Variants in MICU1 observed in about 807,000 individuals in gnomAD.
MICU1 encodes the protein mitochondrial calcium uptake 1, also known as calcium uptake protein 1, mitochondrial.
A neutral mutation model predicts 56.8 loss-of-function variants in MICU1; 45 were observed. That is an observed-to-expected ratio of 0.79 (90% CI 0.62 to 1.02). MICU1 has a LOEUF of 1.02. MICU1 is among the 50% of genes least tolerant of loss of function. MICU1 has a pLI of 0.00. For synonymous variants in MICU1, 186 were observed against 195.1 expected (o/e 0.95, Z 0.39); for missense variants, 504 against 587.1 (o/e 0.86, Z 1.46).
intron 1 of MICU1, among the ~76,000 whole-genome samples, chr10:72,607,341 C>CAA (rs1255480642): frequency 2.9e-5 from 3 of 103,840 alleles, no homozygotes; most frequent in Admixed American, 1.0e-4. Context: ...AACTCTGTTT[C>CAA]AAAAAAAAAA....
intron 1 of MICU1, among the ~76,000 whole-genome samples, chr10:72,612,512 T>TA (rs1469376730): frequency 3.3e-5 from 5 of 152,180 alleles, no homozygotes; most frequent in African/African-American, 7.2e-5. Context: ...AAGGTTGGAA[T>TA]ATAGCCAGGC....
At chr10:72,477,541 G>C in intron 6 of MICU1, 1 of 1,535,408 alleles carries the variant, frequency 6.5e-7, no homozygotes, top group South Asian at 1.2e-5. Flanking sequence ...TTTGCTTTCA[G>C]AGACACCATC....
intron 4 of MICU1, among the ~76,000 whole-genome samples, chr10:72,541,122 C>A (rs1839763197): frequency 6.6e-6 from 1 of 152,246 alleles, no homozygotes; most frequent in African/African-American, 2.4e-5. Context: ...TGCTTCTAGT[C>A]TCATAGGCTA....
At chr10:72,569,795 T>C (rs1840562472) in intron 1 of MICU1, among the ~76,000 whole-genome samples, 1 of 152,184 alleles carries the variant, frequency 6.6e-6, no homozygotes, top group Non-Finnish European at 1.5e-5. Context: ...CTCAGTATAG[T>C]ACCTCACTGT....
At chr10:72,471,231 C>T (rs529106224) in intron 8 of MICU1, among the ~76,000 whole-genome samples, 2 of 152,264 alleles carry the variant, frequency 1.3e-5, no homozygotes, top group East Asian at 1.9e-4. Context: ...ACTACAGGCA[C>T]GCGCCACCAT....
At chr10:72,555,795 T>C (rs1840144035) in intron 3 of MICU1, among the ~76,000 whole-genome samples, 1 of 152,246 alleles carries the variant, frequency 6.6e-6, no homozygotes, top group African/African-American at 2.4e-5. Context: ...TTCAAAGGCC[T>C]ATATTTAATT....
At chr10:72,443,215 T>C (rs1372243070) in intron 8 of MICU1, among the ~76,000 whole-genome samples, 1 of 152,054 alleles carries the variant, frequency 6.6e-6, no homozygotes, top group Non-Finnish European at 1.5e-5. Context: ...TTTGATGGGG[T>C]TGTTTGTTTT....
At chr10:72,456,946 GGT>G (rs71018292) in intron 8 of MICU1, among the ~76,000 whole-genome samples, 40,792 of 117,472 alleles carry the variant, frequency 0.35, 7,919 homozygotes, top group Middle Eastern at 0.57. Context: ...ATATTGCCCA[GGT>G]GTGTGTGTGT....
chr10:72,401,704 T>A (rs1863461463), intron 10 of MICU1, among the ~76,000 whole-genome samples: 2 of 152,200 alleles, frequency 1.3e-5, no homozygotes, highest in Admixed American at 6.5e-5. Flanking sequence ...CATAGTTACC[T>A]TTTTTATGTA....
At chr10:72,426,004 G>C (rs139842045) in intron 8 of MICU1, among the ~76,000 whole-genome samples, 1,897 of 152,166 alleles carry the variant, frequency 0.012, 18 homozygotes, top group Non-Finnish European at 0.018. Flanking sequence ...AATCTGAAAT[G>C]CATCAAAATC....
chr10:72,581,571 T>G (rs1026975773), intron 1 of MICU1, among the ~76,000 whole-genome samples: 5 of 151,524 alleles, frequency 3.3e-5, no homozygotes, highest in Middle Eastern at 6.8e-3. Flanking sequence ...GAGGTTGCAG[T>G]GAGCCGAGAT....
At chr10:72,586,430 C>T (rs1450865764) in intron 1 of MICU1, among the ~76,000 whole-genome samples, 1 of 152,038 alleles carries the variant, frequency 6.6e-6, no homozygotes, top group African/African-American at 2.4e-5. Flanking sequence ...GCGGGTGGAT[C>T]ACCTCAGGTC....
intron 5 of MICU1, among the ~76,000 whole-genome samples, chr10:72,530,372 A>AATAATGATG (rs538954555): frequency 2.1e-5 from 3 of 143,976 alleles, no homozygotes; most frequent in Admixed American, 7.0e-5. Context: ...TAATAATAAT[A>AATAATGATG]ATGCCAGAAT....
chr10:72,401,721 T>C (rs899600529), intron 10 of MICU1, among the ~76,000 whole-genome samples: 5 of 152,200 alleles, frequency 3.3e-5, no homozygotes, highest in Non-Finnish European at 7.4e-5. Flanking sequence ...TGTATGTATA[T>C]TGTAAGGAAC....
chr10:72,406,986 G>A (rs558375675), intron 10 of MICU1, among the ~76,000 whole-genome samples: 19 of 152,240 alleles, frequency 1.2e-4, no homozygotes, highest in Admixed American at 7.2e-4. Context: ...GACACACAAC[G>A]GAGATGGATC....
intron 8 of MICU1, among the ~76,000 whole-genome samples, chr10:72,439,024 G>A (rs964145568): frequency 2.0e-5 from 3 of 152,140 alleles, no homozygotes; most frequent in Non-Finnish European, 4.4e-5. Flanking sequence ...AATAGAAAAA[G>A]AGGGAATCCT....
At chr10:72,389,035 T>G (rs1011290358) in intron 10 of MICU1, among the ~76,000 whole-genome samples, 1 of 152,254 alleles carries the variant, frequency 6.6e-6, no homozygotes, top group African/African-American at 2.4e-5. Context: ...CTAAGCATTG[T>G]GCCTGGCACA....
intron 6 of MICU1, among the ~76,000 whole-genome samples, chr10:72,479,129 G>A (rs1231758704): frequency 1.3e-5 from 2 of 152,064 alleles, no homozygotes; most frequent in African/African-American, 4.8e-5. Context: ...TTTCTTTATT[G>A]TTTAAACAGA....
intron 10 of MICU1, among the ~76,000 whole-genome samples, chr10:72,378,147 G>A (rs905977354): frequency 1.3e-5 from 2 of 152,190 alleles, no homozygotes; most frequent in Non-Finnish European, 2.9e-5. Context: ...AAGCTACTCA[G>A]GAGGCTGAGA....
Sources: gnomAD v4.1 joint callset for allele counts (sites outside exome capture counted in the v4.1 genomes callset) on GRCh38, gnomAD v4.1.1 for gene constraint, MANE v1.5 for transcripts, NCBI Gene and HGNC (gene_info 2026-07-23, HGNC 2026-07-21) for gene names.